NBPF3: variants seen among roughly 807,000 people sequenced by gnomAD.
NBPF3 encodes NBPF member 3.
NBPF3 carries 57 observed loss-of-function variants against 78.1 expected under a neutral mutation model. The ratio of observed to expected loss-of-function variants is 0.73; its 90% confidence interval spans 0.59 to 0.91. The LOEUF (loss-of-function observed/expected upper bound fraction) is 0.91, where lower values mean the gene tolerates loss of function less well. NBPF3 is among the 40% of genes least tolerant of loss of function. The pLI, the probability that NBPF3 is intolerant of heterozygous loss-of-function variation, is 0.00. For missense variants in NBPF3, 510 were observed against 715.3 expected (o/e 0.71, Z 3.27); for synonymous variants, 182 against 271.7 (o/e 0.67, Z 3.25).
chr1:21,463,700 T>C (rs1347980425), intron 2 of NBPF3, among the ~76,000 whole-genome samples: 4 of 152,134 alleles, frequency 2.6e-5, no homozygotes, highest in Non-Finnish European at 4.4e-5. Context: ...ATTTCCAAAT[T>C]ATATGTTTGA....
chr1:21,479,962 C>T (rs1643113373), intron 10 of NBPF3, 89 bp from the exon 11 acceptor site: 2 of 793,284 alleles, frequency 2.5e-6, no homozygotes, highest in South Asian at 1.4e-5. Flanking sequence ...TCTTTTCAAA[C>T]AGTTCCTTAT....
At chr1:21,471,245 G>A (rs1018297770) in intron 4 of NBPF3, among the ~76,000 whole-genome samples, 1 of 152,156 alleles carries the variant, frequency 6.6e-6, no homozygotes, top group African/African-American at 2.4e-5. Context: ...ATATGCACGT[G>A]GAAATGTCCA....
upstream of NBPF3, chr1:21,437,373 T>G (rs1259489101): frequency 4.5e-6 from 3 of 668,170 alleles, no homozygotes; most frequent in African/African-American, 3.8e-5. Flanking sequence ...GCTCAGAGGG[T>G]GGTGAGAGCA....
intron 1 of NBPF3, among the ~76,000 whole-genome samples, chr1:21,441,270 A>G (rs1410101436): frequency 6.6e-6 from 1 of 152,066 alleles, no homozygotes; most frequent in Non-Finnish European, 1.5e-5. Flanking sequence ...TTTTGTTTTT[A>G]AATTTTATTA....
chr1:21,477,105 G>A (rs181768413), intron 8 of NBPF3, among the ~76,000 whole-genome samples: 17 of 152,176 alleles, frequency 1.1e-4, no homozygotes, highest in Admixed American at 6.5e-4. Flanking sequence ...CGTAGTTCTC[G>A]TGCCATGGTT....
chr1:21,471,246 G>A (rs1459181766), intron 4 of NBPF3, among the ~76,000 whole-genome samples: 2 of 152,168 alleles, frequency 1.3e-5, no homozygotes, highest in Non-Finnish European at 2.9e-5. Context: ...TATGCACGTG[G>A]AAATGTCCAT....
chr1:21,460,187 C>T lies in NBPF3; in HGVS notation c.134-8501C>T, dbSNP rs1423943806. The T allele has an allele frequency of 2.8e-4, 6 of 21,340 alleles. 3 individuals carry two copies. The highest frequency in any genetic ancestry group is 9.6e-3 in the East Asian group (2 of 208). 1.3% of individuals were successfully genotyped at this position (21,340 alleles called of 1,614,324 possible). A position where few individuals can be genotyped will look rare whatever the true frequency, so the allele number is the denominator to read the frequency against. On this transcript the variant is annotated intron_variant, in intron 2 of 14. Coordinates refer to ENST00000318249, the MANE Select transcript of NBPF3 (RefSeq NM_032264.6). This position sits in a 1 kb window ranked among gnomAD's most constrained non-coding sequence, Gnocchi z 4.2. ...CGTGCAGGCACTGCCGTCCTCACCA[C>T]GGCTCTGCTGGCTGTGCAGTGGCCC... is the stretch of plus-strand genomic sequence containing the variant.
In NBPF3 at chr1:21,476,654, T is replaced by G. The variant is rs1163991591; in HGVS notation, c.993-1490T>G. ...TTTCTGCAGAGAGATCCACTGTTAG[T>G]CTGGTGGGCTTCCCTTAGTGGGTAA... On this transcript the variant is annotated intron_variant, in intron 8 of 14. Coordinates refer to ENST00000318249, the MANE Select transcript of NBPF3 (RefSeq NM_032264.6). The surrounding 1 kb of genome is among the most constrained non-coding windows in gnomAD (Gnocchi z 4.1). 6.6e-6 allele frequency among the ~76,000 whole-genome samples: 1 copy of G among 152,258 alleles called. No homozygotes were observed. Among genetic ancestry groups the G allele is most frequent in the African/African-American group, 2.4e-5 (1 of 41,478 alleles).
At chr1:21,477,454 G>C (rs572702820) in intron 8 of NBPF3, among the ~76,000 whole-genome samples, 2 of 152,268 alleles carry the variant, frequency 1.3e-5, no homozygotes, top group African/African-American at 4.8e-5. Context: ...TACAGATGGG[G>C]TTTTGGTGTG....
upstream of NBPF3, among the ~76,000 whole-genome samples, chr1:21,439,925 G>A (rs933660861): frequency 1.3e-5 from 2 of 152,216 alleles, no homozygotes; most frequent in African/African-American, 2.4e-5. Flanking sequence ...GGAGGGCAGA[G>A]AGGGATTCCC....
chr1:21,479,178 A>C (rs1643043604), intron 9 of NBPF3, among the ~76,000 whole-genome samples, 171 bp from the exon 10 acceptor site: 1 of 152,278 alleles, frequency 6.6e-6, no homozygotes, highest in Non-Finnish European at 1.5e-5. Flanking sequence ...AAAGGAACCA[A>C]GTCAGTTCTC....
chr1:21,474,333 C>T (rs1642776312), intron 7 of NBPF3, among the ~76,000 whole-genome samples: 2 of 151,854 alleles, frequency 1.3e-5, no homozygotes, highest in African/African-American at 4.8e-5. Context: ...CCTCCTGAGT[C>T]GCTGGTACCA....
intron 1 of NBPF3, chr1:21,442,423 A>G (rs1437129954): frequency 2.6e-5 from 4 of 152,150 alleles, no homozygotes; most frequent in East Asian, 3.8e-4. Flanking sequence ...GCCACATTGC[A>G]TAGGCTGGTC....
chr1:21,477,056 A>G (rs1642922605), intron 8 of NBPF3, among the ~76,000 whole-genome samples: 1 of 152,008 alleles, frequency 6.6e-6, no homozygotes, highest in Non-Finnish European at 1.5e-5. Context: ...CCTTTCTTCC[A>G]CTTGATCGAA....
intron 2 of NBPF3, chr1:21,459,764 G>A (rs1641847210): frequency 2.5e-5 from 8 of 319,730 alleles, no homozygotes; most frequent in Middle Eastern, 1.0e-3. Context: ...CCAGTGTCTT[G>A]GCAATCATGG....
At chr1:21,453,062 TC>T (rs796629289) in intron 2 of NBPF3, among the ~76,000 whole-genome samples, 34 of 152,270 alleles carry the variant, frequency 2.2e-4, no homozygotes, top group African/African-American at 7.7e-4. Flanking sequence ...CCCCATGACA[TC>T]CCCTCCTTCT....
rs10531760 is a variant in NBPF3 at position 21,465,004 on chromosome 1, CAAAAAAAAAA to C, written c.134-3669_134-3660del. ...TGGGTGACAGAATAAGACCCTGTCT[CAAAAAAAAAA>C]AAAAAAAAAAAAAAGCATCTCACTT... On this transcript the variant is annotated intron_variant, in intron 2 of 14. Coordinates refer to ENST00000318249, the MANE Select transcript of NBPF3 (RefSeq NM_032264.6). Among the ~76,000 whole-genome samples, 5 of 99,258 alleles carry C rather than the reference CAAAAAAAAAA, an allele frequency of 5.0e-5. 1 individual carries two copies. Among genetic ancestry groups the C allele is most frequent in the African/African-American group, 1.7e-4 (4 of 24,098 alleles). 65.1% of individuals were successfully genotyped at this position (99,258 alleles called of 152,430 possible). A position where few individuals can be genotyped will look rare whatever the true frequency, so the allele number is the denominator to read the frequency against.
At chr1:21,482,114 C>G (rs1280262650) in intron 13 of NBPF3, among the ~76,000 whole-genome samples, 2 of 150,810 alleles carry the variant, frequency 1.3e-5, no homozygotes, top group African/African-American at 4.9e-5. Context: ...CTAAAATCCT[C>G]ACAACTATGA....
chr1:21,474,048 C>A (rs963293244), intron 7 of NBPF3, among the ~76,000 whole-genome samples: 1 of 152,166 alleles, frequency 6.6e-6, no homozygotes, highest in Non-Finnish European at 1.5e-5. Context: ...GCACAGTCAC[C>A]TTGAAATCAG....
Sources: allele counts gnomAD v4.1 joint callset (sites outside exome capture counted in the v4.1 genomes callset), GRCh38; gene constraint gnomAD v4.1.1; non-coding constraint Gnocchi (gnomAD v3.1); transcripts MANE v1.5; gene names NCBI Gene and HGNC (gene_info 2026-07-23, HGNC 2026-07-21).